Variants in UBE2K observed in about 807,000 individuals in gnomAD.
UBE2K encodes ubiquitin conjugating enzyme E2 K, also known as ubiquitin-conjugating enzyme E2 K.
A neutral mutation model predicts 30.0 loss-of-function variants in UBE2K; 6 were observed. The ratio of observed to expected loss-of-function variants is 0.20; its 90% CI spans 0.11 to 0.39. The LOEUF (loss-of-function observed/expected upper bound fraction) is 0.39. Ranked by LOEUF, UBE2K falls within the 10% of genes least tolerant of loss-of-function variation. The pLI is 1.00. For missense variants in UBE2K, 61 were observed against 241.6 expected (o/e 0.25, Z 4.96); for synonymous variants, 86 against 83.7 (o/e 1.03, Z -0.15).
In UBE2K at chr4:39,781,787, C is replaced by A. The variant is rs2109425071; in HGVS notation, c.*3353C>A. On this transcript the variant is annotated 3_prime_UTR_variant, in exon 7 of 7. Transcript: ENST00000261427. ...GACTTCTACAAAATGTTGTATTAAT[C>A]ACTTTTTCTAGTTCAAGGAATTTCA... 1 of 395,574 alleles carries A rather than the reference C, an allele frequency of 2.5e-6. No homozygotes were observed. Among genetic ancestry groups the A allele is most frequent in the South Asian group, 1.4e-4 (1 of 7,192 alleles). The allele number at this position is 395,574 out of a possible 1,614,324, so 24.5% of individuals were successfully genotyped here.
intron 2 of UBE2K, among the ~76,000 whole-genome samples, chr4:39,739,537 C>T (rs1720564395): frequency 6.8e-6 from 1 of 147,694 alleles, no homozygotes; most frequent in African/African-American, 2.5e-5. Context: ...ACCTCCGCCT[C>T]CCGGGTTCAA....
At chr4:39,758,973 A>G (rs1267698169) in intron 4 of UBE2K, among the ~76,000 whole-genome samples, 2 of 152,172 alleles carry the variant, frequency 1.3e-5, no homozygotes, top group East Asian at 3.8e-4. Context: ...GAATATACCA[A>G]AGACACATTA....
chr4:39,718,703 T>A (rs1211072813), intron 1 of UBE2K, among the ~76,000 whole-genome samples: 5 of 152,214 alleles, frequency 3.3e-5, no homozygotes, highest in African/African-American at 1.2e-4. Flanking sequence ...GGGCCAGCAC[T>A]GCTGGGGGAC....
intron 1 of UBE2K, among the ~76,000 whole-genome samples, chr4:39,702,231 C>CTTTTTTTTTTTTTTTT (rs564712672): frequency 1.3e-4 from 9 of 67,382 alleles, no homozygotes; most frequent in Admixed American, 1.7e-4. Flanking sequence ...CTTTTCTTTT[C>CTTTTTTTTTTTTTTTT]TTTTTTTTTT....
At chr4:39,775,772 C>A (rs1713248586) in intron 5 of UBE2K, among the ~76,000 whole-genome samples, 1 of 152,066 alleles carries the variant, frequency 6.6e-6, no homozygotes, top group Non-Finnish European at 1.5e-5. Context: ...TTTGCCAACA[C>A]CTACTCTAAG....
rs548725673 is a variant in UBE2K, at chr4:39,718,149, A to G, written c.64-19271A>G. Among the ~76,000 whole-genome samples the G allele has an allele frequency of 4.6e-5, 7 of 152,188 alleles. No homozygotes were observed. In the South Asian group the frequency reaches 1.5e-3, roughly 32 times the overall value. On this transcript the variant is annotated intron_variant, in intron 1 of 6. Coordinates refer to ENST00000261427, the MANE Select transcript of UBE2K (RefSeq NM_005339.5). ...CCACGCACATCCTGCTGATTGGTCCATTTTACAGAGAGCTGATTGGTCTGT... is the reference window on the plus strand; with the variant it reads ...CCACGCACATCCTGCTGATTGGTCCGTTTTACAGAGAGCTGATTGGTCTGT...
chr4:39,706,000 C>T (rs1718339043), intron 1 of UBE2K, among the ~76,000 whole-genome samples: 1 of 151,466 alleles, frequency 6.6e-6, no homozygotes, highest in Admixed American at 6.6e-5. Context: ...TACAGGCATG[C>T]GCCACCATGC....
At chr4:39,747,884 C>A (rs1265222654) in intron 3 of UBE2K, among the ~76,000 whole-genome samples, 3 of 151,844 alleles carry the variant, frequency 2.0e-5, no homozygotes, top group Admixed American at 2.0e-4. Context: ...TCACTGCAAC[C>A]TCTGTCTCCT....
chr4:39,699,956 A>G (rs991336268), intron 1 of UBE2K, among the ~76,000 whole-genome samples: 3 of 152,270 alleles, frequency 2.0e-5, no homozygotes, highest in African/African-American at 2.4e-5. Context: ...TGAAACAGCA[A>G]TTTTAACTTA....
At chr4:39,703,378 G>C (rs10009932) in intron 1 of UBE2K, among the ~76,000 whole-genome samples, 100 of 152,176 alleles carry the variant, frequency 6.6e-4, no homozygotes, top group African/African-American at 2.4e-3. Context: ...GCCAGGCCTG[G>C]TGGTATGTGC....
intron 1 of UBE2K, chr4:39,713,712 C>T (rs919003831): frequency 2.0e-5 from 3 of 152,030 alleles, no homozygotes; most frequent in South Asian, 4.1e-4. Flanking sequence ...TACTAACTCC[C>T]TATCCCCCTA....
intron 4 of UBE2K, among the ~76,000 whole-genome samples, chr4:39,773,790 G>A (rs557516469): frequency 1.0e-3 from 155 of 151,410 alleles, no homozygotes; most frequent in Non-Finnish European, 2.9e-4. Context: ...GCGTGGTGGC[G>A]GGCGCCTGTT....
In UBE2K at chr4:39,780,204, C is replaced by A. The variant is rs1713532894; in HGVS notation, c.*1770C>A. 1 of 152,008 alleles carries A rather than the reference C, an allele frequency of 6.6e-6. No homozygotes were observed. The highest frequency in any genetic ancestry group is 6.6e-5 in the Admixed American group (1 of 15,258). 9.4% of individuals were successfully genotyped at this position (152,008 alleles called of 1,614,324 possible). On this transcript the variant is annotated 3_prime_UTR_variant, in exon 7 of 7. Transcript: ENST00000261427. ...AGATGCCAAAGGAAACAAGATTTTT[C>A]TTTATTTATTTTAAATACCTGAAAC...
intron 1 of UBE2K, among the ~76,000 whole-genome samples, chr4:39,727,974 T>G (rs556574618): frequency 6.6e-6 from 1 of 151,768 alleles, no homozygotes; most frequent in African/African-American, 2.4e-5. Context: ...TACTAAAAAA[T>G]ATGTAAGAAA....
intron 4 of UBE2K, chr4:39,771,282 G>A (rs1712807909): frequency 3.7e-6 from 6 of 1,611,602 alleles, no homozygotes; most frequent in Admixed American, 1.7e-5. Context: ...GTGAGCAGGC[G>A]GCTAAGATGA....
rs138589675 is a variant in UBE2K at position 39,713,239 on chromosome 4, A to G, written c.63+14849A>G. On this transcript the variant is annotated intron_variant, in intron 1 of 6. Transcript: ENST00000261427. ...GCAACAAGAGTGAAATTTCATCTCA[A>G]AAAAGAAAATTAGGTGGTTTGTAGT... Among the ~76,000 whole-genome samples the G allele has an allele frequency of 7.3e-3, 1,094 of 149,942 alleles. 14 individuals are homozygous for G. The highest frequency in any genetic ancestry group is 0.025 in the African/African-American group (1,037 of 40,700).
At position 39,782,014 on chromosome 4, in the gene UBE2K, T is replaced by C. The variant is rs182893605; in HGVS notation, c.*3580T>C. On this transcript the variant is annotated 3_prime_UTR_variant, in exon 7 of 7. Coordinates refer to ENST00000261427, the MANE Select transcript of UBE2K (RefSeq NM_005339.5). Reference sequence around the variant, plus strand: ...ATGTCACACGTTCTATTTGCACTGCTGCAATATAGATCAAAGATCTTGTGG... The same window carrying C: ...ATGTCACACGTTCTATTTGCACTGCCGCAATATAGATCAAAGATCTTGTGG... 3,304 of 398,374 alleles carry C rather than the reference T, an allele frequency of 8.3e-3. 20 individuals carry two copies. The highest frequency in any genetic ancestry group is 0.011 in the Non-Finnish European group (2,564 of 225,852). 24.7% of individuals were successfully genotyped at this position (398,374 alleles called of 1,614,324 possible).
Position 39,778,554 on chromosome 4 carries a change from C to T in UBE2K, c.*120C>T. ...TGGCATTCTTGCCTAATGATGTTAT[C>T]TAGGCACCATTGGAGACTGAAAAAA... is the stretch of plus-strand genomic sequence containing the variant. On this transcript the variant is annotated 3_prime_UTR_variant, in exon 7 of 7. Transcript: ENST00000261427. 3.4e-6 allele frequency: 2 copies of T among 583,416 alleles called. No individual in the cohort carries two copies. The highest frequency in any genetic ancestry group is 2.6e-5 in the South Asian group (1 of 38,062). The allele number at this position is 583,416 out of a possible 1,614,324, so 36.1% of individuals were successfully genotyped here.
Position 39,728,831 on chromosome 4 carries a change from T to G in UBE2K, c.64-8589T>G, listed in dbSNP as rs531423401. On this transcript the variant is annotated intron_variant, in intron 1 of 6. Transcript: ENST00000261427. ...TAGGTTTTTTTTGTTTTTTTTGTTT[T>G]TTTTTTTTTGTATTTTTAGTAGAGA... 1.1e-4 allele frequency among the ~76,000 whole-genome samples: 16 copies of G among 150,392 alleles called. No individual in the cohort carries two copies. In the East Asian group the frequency reaches 3.0e-3, roughly 28 times the overall value.
Sources: allele counts gnomAD v4.1 joint callset (sites outside exome capture counted in the v4.1 genomes callset), GRCh38; gene constraint gnomAD v4.1.1; transcripts MANE v1.5; gene names NCBI Gene and HGNC (gene_info 2026-07-23, HGNC 2026-07-21).